Variants in SLC25A13 observed in about 807,000 individuals in gnomAD.
The protein encoded by SLC25A13 is solute carrier family 25 member 13.
A neutral mutation model predicts 85.5 loss-of-function variants in SLC25A13; 70 were observed. The ratio of observed to expected loss-of-function variants is 0.82; its 90% CI spans 0.68 to 1.00. The LOEUF (loss-of-function observed/expected upper bound fraction) is 1.00. Ranked by LOEUF, SLC25A13 falls within the 50% of genes least tolerant of loss-of-function variation. The pLI is 0.00. For synonymous variants in SLC25A13, 259 were observed against 288.7 expected, an observed-to-expected ratio of 0.90 and a Z score of 1.04; for missense variants, 765 against 819.8, an observed-to-expected ratio of 0.93 and a Z score of 0.82.
At chr7:96,306,821 A>G in intron 1 of SLC25A13, 1 of 1,400,468 alleles carries the variant, frequency 7.1e-7, no homozygotes. Flanking sequence ...GACTCAGGAG[A>G]TCATGCAGCA....
intron 11 of SLC25A13, among the ~76,000 whole-genome samples, chr7:96,172,593 C>T (rs894715030): frequency 1.3e-5 from 2 of 151,884 alleles, no homozygotes; most frequent in African/African-American, 4.8e-5. Flanking sequence ...ACTGACCTAA[C>T]AGTCAGTTCA....
At chr7:96,179,577 A>G (rs1196837985) in intron 11 of SLC25A13, among the ~76,000 whole-genome samples, 1 of 152,220 alleles carries the variant, frequency 6.6e-6, no homozygotes, top group Non-Finnish European at 1.5e-5. Context: ...AACCCAACAA[A>G]TGATCTGTTG....
chr7:96,227,012 T>C (rs1348304566), intron 4 of SLC25A13, among the ~76,000 whole-genome samples: 1 of 152,210 alleles, frequency 6.6e-6, no homozygotes, highest in Non-Finnish European at 1.5e-5. Flanking sequence ...ATGTATTATA[T>C]TCAATATGTA....
chr7:96,184,508 C>A, intron 10 of SLC25A13, 73 bp from the exon 11 acceptor site: 1 of 1,429,892 alleles, frequency 7.0e-7, no homozygotes, highest in South Asian at 1.2e-5. Context: ...TAGTTAAAGT[C>A]AAGGACAAGA....
At chr7:96,321,558 G>T (rs1258507675) in intron 1 of SLC25A13, among the ~76,000 whole-genome samples, 1 of 152,186 alleles carries the variant, frequency 6.6e-6, no homozygotes, top group Non-Finnish European at 1.5e-5. Context: ...CAACCAGCGG[G>T]GTCAGGAGCA....
intron 7 of SLC25A13, 78 bp downstream of exon 7, chr7:96,191,031 G>A (rs1328523010): frequency 2.0e-6 from 3 of 1,510,314 alleles, no homozygotes; most frequent in Non-Finnish European, 2.8e-6. Context: ...AAATAATAAA[G>A]TACTAGTTGC....
rs982296557 is a variant in SLC25A13 at position 96,288,066 on chromosome 7, G to T, written c.69+8832C>A. Among the ~76,000 whole-genome samples, 16 of 152,280 alleles carry T rather than the reference G, an allele frequency of 1.1e-4. No individual in the cohort carries two copies. The South Asian group carries it at 1.2e-3, about 12-fold the overall frequency. On this transcript the variant is annotated intron_variant, in intron 2 of 17. Coordinates refer to ENST00000265631, the MANE Select transcript of SLC25A13 (RefSeq NM_014251.3). The stretch of plus-strand genomic sequence containing the variant: ...ATGCACAACCATAGAGATCAGCTTA[G>T]GTAAGGAACAAATGCTTTTCTGTTT...
At chr7:96,163,300 G>T (rs1311707262) in intron 13 of SLC25A13, among the ~76,000 whole-genome samples, 1 of 152,062 alleles carries the variant, frequency 6.6e-6, no homozygotes, top group Non-Finnish European at 1.5e-5. Context: ...TGTTTGAAAA[G>T]ACCAAGCTAC....
intron 2 of SLC25A13, among the ~76,000 whole-genome samples, chr7:96,286,415 C>T (rs868314583): frequency 4.6e-5 from 7 of 152,268 alleles, no homozygotes; most frequent in Middle Eastern, 3.4e-3. Context: ...TCCCTCCACA[C>T]CTGTGGCACT....
At chr7:96,148,380 A>T (rs1792889380) in intron 13 of SLC25A13, among the ~76,000 whole-genome samples, 2 of 152,174 alleles carry the variant, frequency 1.3e-5, no homozygotes, top group South Asian at 4.1e-4. Flanking sequence ...TGAGAAGAAC[A>T]ACTCCCTGGT....
chr7:96,162,668 C>A (rs1252970704), intron 13 of SLC25A13, among the ~76,000 whole-genome samples: 1 of 152,170 alleles, frequency 6.6e-6, no homozygotes, highest in African/African-American at 2.4e-5. Flanking sequence ...GGCTAGGTGG[C>A]TGGCAAGAAC....
At chr7:96,300,217 C>T (rs1799501916) in intron 1 of SLC25A13, among the ~76,000 whole-genome samples, 2 of 152,010 alleles carry the variant, frequency 1.3e-5, no homozygotes, top group African/African-American at 4.8e-5. Context: ...TGAGATTAGC[C>T]TGGGCAACAT....
At chr7:96,257,760 A>C (rs915152776) in intron 3 of SLC25A13, among the ~76,000 whole-genome samples, 5 of 152,144 alleles carry the variant, frequency 3.3e-5, no homozygotes, top group Non-Finnish European at 5.9e-5. Flanking sequence ...GAGACACAAC[A>C]AAAAAAGAAA....
At chr7:96,241,491 G>C (rs768252315) in intron 3 of SLC25A13, among the ~76,000 whole-genome samples, 1 of 152,088 alleles carries the variant, frequency 6.6e-6, no homozygotes, top group Non-Finnish European at 1.5e-5. Context: ...ACAAATCCAT[G>C]GTAGTAAGTA....
chr7:96,241,210 G>C (rs1335899931), intron 3 of SLC25A13, among the ~76,000 whole-genome samples: 1 of 151,964 alleles, frequency 6.6e-6, no homozygotes, highest in Non-Finnish European at 1.5e-5. Flanking sequence ...GTAGCCTATG[G>C]GTTAGCCCTG....
At chr7:96,146,736 A>G (rs867546321) in intron 13 of SLC25A13, 40 bp from the exon 14 acceptor site, 7 of 1,611,090 alleles carry the variant, frequency 4.3e-6, no homozygotes, top group Middle Eastern at 1.7e-4. Flanking sequence ...AAGCAAAGAA[A>G]TGGTAAGGTG....
At chr7:96,169,474 G>GT (rs1442906114) in intron 13 of SLC25A13, among the ~76,000 whole-genome samples, 2 of 152,096 alleles carry the variant, frequency 1.3e-5, no homozygotes. Flanking sequence ...GAGACACAAT[G>GT]TTTTGCTGAG....
intron 10 of SLC25A13, 75 bp downstream of exon 10, chr7:96,184,852 A>C: frequency 2.4e-6 from 3 of 1,269,198 alleles, no homozygotes; most frequent in South Asian, 2.4e-5. Flanking sequence ...GTCCTTTAAC[A>C]TTTCAAGATG....
At chr7:96,306,136 TCA>T (rs1273713287) in intron 1 of SLC25A13, among the ~76,000 whole-genome samples, 4 of 152,228 alleles carry the variant, frequency 2.6e-5, no homozygotes, top group African/African-American at 9.6e-5. Context: ...CTTCCCCAAG[TCA>T]CACAGTTAGC....
Sources: gnomAD v4.1 joint callset for allele counts (sites outside exome capture counted in the v4.1 genomes callset) on GRCh38, gnomAD v4.1.1 for gene constraint, MANE v1.5 for transcripts, NCBI Gene and HGNC (gene_info 2026-07-23, HGNC 2026-07-21) for gene names.